PHEX: variants seen among roughly 807,000 people sequenced by gnomAD.
PHEX encodes phosphate regulating endopeptidase X-linked, also known as phosphate-regulating neutral endopeptidase PHEX.
Under a neutral mutation model 68.0 loss-of-function variants are expected in PHEX, and 16 were observed. The ratio of observed to expected loss-of-function variants is 0.24; its 90% CI spans 0.16 to 0.36. PHEX has a LOEUF of 0.36. Among genes scored for constraint, PHEX ranks in the 10% least tolerant of loss-of-function variants. PHEX has a pLI of 1.00. For missense variants in PHEX, 480 were observed against 575.5 expected, an observed-to-expected ratio of 0.83 and a Z score of 1.70; for synonymous variants, 208 against 205.1, an observed-to-expected ratio of 1.01 and a Z score of -0.12.
At chrX:22,227,371 C>G (rs1307207248) in intron 19 of PHEX, 136 bp from the exon 20 acceptor site, 1 of 516,852 alleles carries the variant, frequency 1.9e-6, no homozygotes, top group Non-Finnish European at 3.5e-6. Context: ...AGGACATGGA[C>G]TTGTGTTTCT....
chrX:22,133,518 T>C lies in PHEX; in HGVS notation c.1303-5T>C. 1 of 1,196,799 alleles carries C rather than the reference T, an allele frequency of 8.4e-7. No individual in the cohort carries two copies. The highest frequency in any genetic ancestry group is 1.1e-6 in the Non-Finnish European group (1 of 881,876). ...GACGTTCCCTCTTTGGGTATTTTCT[T>C]GTAGATGGAGGAATTGGTTGAGGGC... On this transcript the variant is annotated splice_polypyrimidine_tract_variant and splice_region_variant and intron_variant, in intron 11 of 21. Transcript: ENST00000379374.
At chrX:22,106,879 C>T (rs751135758) in intron 9 of PHEX, among the ~76,000 whole-genome samples, 10 of 110,640 alleles carry the variant, frequency 9.0e-5, no homozygotes, top group African/African-American at 2.6e-4. Flanking sequence ...GGGTCTGGTC[C>T]GGCCTCCATT....
At chrX:22,245,551 A>G in intron 21 of PHEX, 142 bp downstream of exon 21, 1 of 519,726 alleles carries the variant, frequency 1.9e-6, no homozygotes. Context: ...TTTTGCAGCC[A>G]AAAAATATCT....
intron 3 of PHEX, among the ~76,000 whole-genome samples, chrX:22,051,550 C>T (rs766929849): frequency 1.8e-5 from 2 of 111,396 alleles, no homozygotes; most frequent in Non-Finnish European, 3.8e-5. Context: ...AAAAAACAAC[C>T]GCATAAAATA....
chrX:22,052,291 G>A (rs748158511), intron 3 of PHEX, among the ~76,000 whole-genome samples: 1 of 112,408 alleles, frequency 8.9e-6, no homozygotes, highest in Non-Finnish European at 1.9e-5. Flanking sequence ...GCAGTAGCAC[G>A]ATTTCAGCTC....
chrX:22,046,882 A>G (rs190901124), intron 2 of PHEX, among the ~76,000 whole-genome samples, 168 bp from the exon 3 acceptor site: 2 of 111,723 alleles, frequency 1.8e-5, no homozygotes, highest in Admixed American at 1.9e-4. Flanking sequence ...ATTCACTTTG[A>G]ATGTAGTCAT....
chrX:22,090,483 A>G lies in PHEX; in HGVS notation c.718A>G (p.Thr240Ala). 8.3e-7 allele frequency: 1 copy of G among 1,198,683 alleles called. No individual in the cohort carries two copies. ...AVREDYLDNS[T>A]EAKSYRDALY... is the part of the protein sequence containing the mutation. ...GAGGGAAGACTACCTTGATAACAGT[A>G]CAGAAGCCAAGTCTGTAAGTTTTAC... is the stretch of plus-strand genomic sequence containing the variant. Residue 240 changes from threonine (T) to alanine (A), a missense_variant, in exon 6 of 22, where the codon ACA (threonine) becomes GCA (alanine). Transcript: ENST00000379374.
intron 3 of PHEX, among the ~76,000 whole-genome samples, chrX:22,056,071 A>G (rs778585279): frequency 2.8e-4 from 32 of 112,461 alleles, no homozygotes; most frequent in Admixed American, 2.7e-3. Context: ...TCTAAGTTGT[A>G]TGATATTCAG....
chrX:22,218,932 T>C, intron 16 of PHEX, 104 bp from the exon 17 acceptor site: 1 of 571,904 alleles, frequency 1.7e-6, no homozygotes, highest in South Asian at 2.4e-5. Flanking sequence ...ATTACCATGG[T>C]TACTAGAAAG....
chrX:22,231,671 C>G (rs887081437), intron 20 of PHEX, among the ~76,000 whole-genome samples: 9 of 110,346 alleles, frequency 8.2e-5, no homozygotes, highest in Non-Finnish European at 1.3e-4. Flanking sequence ...CCTTATTAGT[C>G]TTTCTTGCTA....
rs760125505 is a variant in PHEX at position 22,076,376 on chromosome X, T to TA, written c.350-10dup. On this transcript the variant is annotated splice_polypyrimidine_tract_variant and intron_variant, in intron 3 of 21. Transcript: ENST00000379374. The stretch of plus-strand genomic sequence containing the variant: ...GGGTGGATACTAATGAATCCTTTCT[T>TA]AACCTTCCCAGAACTTTTGGAGAAA... 1 of 1,191,737 alleles carries TA rather than the reference T, an allele frequency of 8.4e-7. No homozygotes were observed. The highest frequency in any genetic ancestry group is 1.8e-5 in the African/African-American group (1 of 56,982).
At chrX:22,216,955 A>G (rs1311551785) in intron 16 of PHEX, among the ~76,000 whole-genome samples, 1 of 112,457 alleles carries the variant, frequency 8.9e-6, no homozygotes, top group Non-Finnish European at 1.9e-5. Context: ...ATTGTGATTA[A>G]GTAACTGAGA....
intron 3 of PHEX, among the ~76,000 whole-genome samples, chrX:22,062,445 T>C (rs1004396399): frequency 9.0e-6 from 1 of 110,672 alleles, no homozygotes; most frequent in East Asian, 2.8e-4. Context: ...ATATCCAAAA[T>C]ACTGTTATTT....
chrX:22,206,815 T>G (rs1934726879), intron 15 of PHEX, among the ~76,000 whole-genome samples: 1 of 111,640 alleles, frequency 9.0e-6, no homozygotes, highest in South Asian at 3.8e-4. Flanking sequence ...AGCTGTGGAA[T>G]AATGTGCTAA....
intron 18 of PHEX, among the ~76,000 whole-genome samples, chrX:22,224,993 G>GATATA: frequency 1.0e-5 from 1 of 99,031 alleles, no homozygotes. Context: ...AGCTCTGTAT[G>GATATA]TCAGAAGTCT....
chrX:22,050,993 C>G (rs1463552011), intron 3 of PHEX, among the ~76,000 whole-genome samples: 1 of 111,788 alleles, frequency 8.9e-6, no homozygotes, highest in African/African-American at 3.2e-5. Flanking sequence ...GTTTTGTGTG[C>G]TAGGTTTGTC....
At chrX:22,132,293 A>C (rs769853166) in intron 11 of PHEX, among the ~76,000 whole-genome samples, 1 of 110,586 alleles carries the variant, frequency 9.0e-6, no homozygotes, top group South Asian at 3.9e-4. Context: ...GTTTTTATAG[A>C]GATGAGGTCC....
intron 9 of PHEX, among the ~76,000 whole-genome samples, chrX:22,101,348 G>A (rs1476110974): frequency 1.8e-5 from 2 of 112,128 alleles, no homozygotes; most frequent in Non-Finnish European, 3.8e-5. Flanking sequence ...CTATGGTGAT[G>A]TTTTTTCATT....
intron 12 of PHEX, among the ~76,000 whole-genome samples, chrX:22,138,514 T>C (rs1447983608): frequency 9.0e-6 from 1 of 111,563 alleles, no homozygotes. Flanking sequence ...GAGGGTGCCT[T>C]ACTTGGGAAG....
Sources: allele counts gnomAD v4.1 joint callset (sites outside exome capture counted in the v4.1 genomes callset), GRCh38; gene constraint gnomAD v4.1.1; transcripts MANE v1.5; gene names NCBI Gene and HGNC (gene_info 2026-07-23, HGNC 2026-07-21).